FRYL: variants seen among roughly 807,000 people sequenced by gnomAD.
FRYL encodes FRY like transcription coactivator.
FRYL carries 150 observed loss-of-function variants against 351.2 expected under a neutral mutation model. That is an observed-to-expected ratio of 0.43 (90% CI 0.37 to 0.49). The LOEUF (loss-of-function observed/expected upper bound fraction) is 0.49, where lower values mean the gene tolerates loss of function less well. Among genes scored for constraint, FRYL ranks in the 20% least tolerant of loss-of-function variants. The probability of loss-of-function intolerance (pLI) is 0.00; values close to 1 mark genes in which losing one functional copy is unlikely to be tolerated. For synonymous variants in FRYL, 1,153 were observed against 1,257.1 expected, an observed-to-expected ratio of 0.92 and a Z score of 1.75; for missense variants, 3,036 against 3,619.3, an observed-to-expected ratio of 0.84 and a Z score of 4.13.
intron 13 of FRYL, among the ~76,000 whole-genome samples, chr4:48,600,455 G>C (rs1507863): frequency 0.013 from 1,984 of 152,232 alleles, 33 homozygotes; most frequent in Non-Finnish European, 0.017. Flanking sequence ...TAGCCTGGCA[G>C]ATTGACATAG....
At chr4:48,775,015 A>C (rs549378238) in intron 1 of FRYL, among the ~76,000 whole-genome samples, 2 of 152,340 alleles carry the variant, frequency 1.3e-5, no homozygotes, top group Non-Finnish European at 2.9e-5. Context: ...TTTGAAATGC[A>C]CGATACCTGT....
intron 3 of FRYL, among the ~76,000 whole-genome samples, chr4:48,635,824 C>G (rs1237024888): frequency 6.6e-6 from 1 of 152,172 alleles, no homozygotes; most frequent in Non-Finnish European, 1.5e-5. Flanking sequence ...CCTTGAACCC[C>G]TTCCTTGAAA....
At chr4:48,554,713 C>T (rs541451088) in intron 35 of FRYL, among the ~76,000 whole-genome samples, 31 of 152,274 alleles carry the variant, frequency 2.0e-4, no homozygotes, top group African/African-American at 6.7e-4. Flanking sequence ...GCACTACTTG[C>T]TAATTCTCTC....
chr4:48,702,061 TC>T (rs1173988662), intron 2 of FRYL, among the ~76,000 whole-genome samples: 1 of 152,188 alleles, frequency 6.6e-6, no homozygotes, highest in Non-Finnish European at 1.5e-5. Flanking sequence ...ACTTGAGACT[TC>T]CTTCTTTTAT....
chr4:48,721,084 C>T (rs1769415700), intron 1 of FRYL, among the ~76,000 whole-genome samples: 1 of 152,146 alleles, frequency 6.6e-6, no homozygotes, highest in Non-Finnish European at 1.5e-5. Context: ...GAAGAATATA[C>T]AATAATAGCA....
chr4:48,656,079 TATA>T (rs961478188), intron 3 of FRYL, among the ~76,000 whole-genome samples: 47 of 132,512 alleles, frequency 3.5e-4, no homozygotes, highest in African/African-American at 6.7e-4. Flanking sequence ...TATAATTATA[TATA>T]ATTTTATATA....
chr4:48,712,793 T>G (rs1259189204), intron 1 of FRYL, among the ~76,000 whole-genome samples: 2 of 151,992 alleles, frequency 1.3e-5, no homozygotes, highest in Admixed American at 6.6e-5. Context: ...TCACCAAAGT[T>G]GAAATGAAGG....
At chr4:48,564,785 C>A in intron 30 of FRYL, 148 bp downstream of exon 30, 1 of 494,334 alleles carries the variant, frequency 2.0e-6, no homozygotes, top group Non-Finnish European at 3.6e-6. Flanking sequence ...ATTATGGGAT[C>A]CTATTTAACT....
intron 55 of FRYL, among the ~76,000 whole-genome samples, chr4:48,517,734 T>C (rs1445884223): frequency 6.6e-6 from 1 of 152,212 alleles, no homozygotes; most frequent in Non-Finnish European, 1.5e-5. Flanking sequence ...GCTCTAAAGT[T>C]TGTCATGACA....
At chr4:48,718,946 C>T (rs931175875) in intron 1 of FRYL, among the ~76,000 whole-genome samples, 1 of 151,500 alleles carries the variant, frequency 6.6e-6, no homozygotes, top group African/African-American at 2.4e-5. Context: ...CACCTCTCAA[C>T]TTACTCCTGA....
At chr4:48,557,155 A>T in intron 34 of FRYL, 37 bp from the exon 35 acceptor site, 2 of 1,551,040 alleles carry the variant, frequency 1.3e-6, no homozygotes, top group Non-Finnish European at 1.8e-6. Context: ...TTCAGTCATG[A>T]CTGCCTATTA....
At chr4:48,693,968 T>A (rs1765897663) in intron 2 of FRYL, among the ~76,000 whole-genome samples, 1 of 148,170 alleles carries the variant, frequency 6.7e-6, no homozygotes, top group African/African-American at 2.5e-5. Flanking sequence ...TACCTACAGA[T>A]TAACAGAGCC....
At chr4:48,764,849 AT>A (rs1159010641) in intron 1 of FRYL, among the ~76,000 whole-genome samples, 1 of 151,844 alleles carries the variant, frequency 6.6e-6, no homozygotes, top group Admixed American at 6.6e-5. Context: ...AGGAAAAGTG[AT>A]TTTTTTTTCC....
intron 3 of FRYL, among the ~76,000 whole-genome samples, chr4:48,681,349 T>C (rs1764583687): frequency 6.6e-6 from 1 of 152,150 alleles, no homozygotes; most frequent in Admixed American, 6.5e-5. Context: ...CTATAGACCA[T>C]GAAACTGCCC....
intron 63 of FRYL, 51 bp downstream of exon 63, chr4:48,499,979 A>T (rs181257019): frequency 4.8e-4 from 613 of 1,264,824 alleles, no homozygotes; most frequent in Non-Finnish European, 4.6e-4. Flanking sequence ...AGTATTACTA[A>T]ACTTCCTGTC....
rs1741064121 is a variant in FRYL at position 48,582,064 on chromosome 4, T to G, written c.1986+433A>C. 2.0e-5 allele frequency among the ~76,000 whole-genome samples: 3 copies of G among 152,214 alleles called. 1 individual carries two copies. The South Asian group carries it at 6.2e-4, about 31-fold the overall frequency. ...TGGCTCGGGTCTAAAATTTCAAGGT[T>G]CTATGATTTACACATTATCATAAAT... On this transcript the variant is annotated intron_variant, in intron 20 of 63. Coordinates refer to ENST00000358350, the MANE Select transcript of FRYL (RefSeq NM_015030.2).
intron 1 of FRYL, among the ~76,000 whole-genome samples, chr4:48,741,056 T>A (rs1320368416): frequency 6.6e-6 from 1 of 151,200 alleles, no homozygotes; most frequent in Non-Finnish European, 1.5e-5. Context: ...CAAGCTGTGC[T>A]ACATCCAGAC....
At chr4:48,534,760 C>T (rs545652152) in intron 48 of FRYL, 75 bp from the exon 49 acceptor site, 290 of 915,590 alleles carry the variant, frequency 3.2e-4, no homozygotes, top group Non-Finnish European at 3.9e-4. Context: ...TTACATTTGA[C>T]AGGTTGGAAA....
At chr4:48,579,371 G>C in intron 22 of FRYL, 130 bp from the exon 23 acceptor site, 1 of 692,510 alleles carries the variant, frequency 1.4e-6, no homozygotes, top group East Asian at 2.8e-5. Context: ...TCCATGGTAG[G>C]TTGAAGGGAG....
Sources: gnomAD v4.1 joint callset for allele counts (sites outside exome capture counted in the v4.1 genomes callset) on GRCh38, gnomAD v4.1.1 for gene constraint, MANE v1.5 for transcripts, NCBI Gene and HGNC (gene_info 2026-07-23, HGNC 2026-07-21) for gene names.